The following MAP3K6 variants were observed in gnomAD, a reference collection of about 807,000 sequenced individuals.
The protein encoded by MAP3K6 is apoptosis signal-regulating kinase 2.
In MAP3K6, 105 loss-of-function variants were observed where a neutral mutation model predicts 147.1. The observed-to-expected ratio is 0.71, with a 90% CI of 0.61 to 0.84. The LOEUF (loss-of-function observed/expected upper bound fraction) is 0.84, where lower values mean the gene tolerates loss of function less well. Ranked by LOEUF, MAP3K6 falls within the 40% of genes least tolerant of loss-of-function variation. The pLI is 0.00. For missense variants in MAP3K6, 1,569 were observed against 1,715.0 expected (o/e 0.91, Z 1.50); for synonymous variants, 695 against 732.4 (o/e 0.95, Z 0.82).
Position 27,366,670 on chromosome 1 carries a change from A to G in MAP3K6, c.-73T>C. 4.9e-6 allele frequency: 5 copies of G among 1,016,554 alleles called. No individual in the cohort carries two copies. In the East Asian group the frequency reaches 2.4e-4, roughly 49 times the overall value. 63.0% of individuals were successfully genotyped at this position (1,016,554 alleles called of 1,614,324 possible). ...GGGCAGGAGCCTGGGCCGGCAGATC[A>G]GGAATCTTGGGATCTGGAATCCGTT... On this transcript the variant is annotated 5_prime_UTR_variant, in exon 1 of 29. Transcript: ENST00000357582. The surrounding 1 kb of genome is among the most constrained non-coding windows in gnomAD (Gnocchi z 5.5).
At position 27,357,890 on chromosome 1, in the gene MAP3K6, C is replaced by A; in HGVS notation, c.2916-14G>T. ...TCCTCGGGCACCCTGGGCACAAGGGCGAGCTGCTGATTGAGGACGGGCAGC... is the reference window on the plus strand; with the variant it reads ...TCCTCGGGCACCCTGGGCACAAGGGAGAGCTGCTGATTGAGGACGGGCAGC... On this transcript the variant is annotated splice_polypyrimidine_tract_variant and intron_variant, in intron 21 of 28. Transcript: ENST00000357582. 6.4e-7 allele frequency: 1 copy of A among 1,572,204 alleles called. No homozygotes were observed. Among genetic ancestry groups the A allele is most frequent in the East Asian group, 2.3e-5 (1 of 43,474 alleles).
rs772617715 is a variant in MAP3K6, at chr1:27,360,778, C to T, written c.1981G>A (p.Val661Met). 4 of 1,612,726 alleles carry T rather than the reference C, an allele frequency of 2.5e-6. No homozygotes were observed. The highest frequency in any genetic ancestry group is 3.4e-6 in the Non-Finnish European group (4 of 1,179,854). The change falls in exon 15 of 29, where the codon GTG (valine) becomes ATG (methionine). Residue 661 changes from valine to methionine, a missense_variant. Transcript: ENST00000357582. The surrounding 1 kb of genome is among the most constrained non-coding windows in gnomAD (Gnocchi z 4.5). ...TGGCGATCGCGGCCCGCGTACACCA[C>T]CCCATACGTGCCCTTGCCCAGCACC... Reference protein sequence around the residue: ...RLVLGKGTYGVVYAGRDRHTR... With the variant: ...RLVLGKGTYGMVYAGRDRHTR...
chr1:27,358,345 TG>T lies in MAP3K6; in HGVS notation c.2777-27del. The T allele has an allele frequency of 6.3e-7, 1 of 1,597,230 alleles. No homozygotes were observed. The highest frequency in any genetic ancestry group is 8.5e-7 in the Non-Finnish European group (1 of 1,175,546). Reference sequence around the variant, plus strand: ...CTGAGGGAGGGACAGAGCCATCAGCTGGGCTCTCCTCCACCCTCACAGCTCC... The same window carrying T: ...CTGAGGGAGGGACAGAGCCATCAGCTGGCTCTCCTCCACCCTCACAGCTCC... On this transcript the variant is annotated intron_variant, in intron 20 of 28. Transcript: ENST00000357582. The surrounding 1 kb of genome is among the most constrained non-coding windows in gnomAD (Gnocchi z 6.2).
Position 27,359,424 on chromosome 1 carries a change from G to A in MAP3K6, c.2418C>T (p.Thr806=), listed in dbSNP as rs771074591. 3.1e-6 allele frequency: 5 copies of A among 1,614,094 alleles called. No individual in the cohort carries two copies. The highest frequency in any genetic ancestry group is 1.7e-5 in the Admixed American group (1 of 60,014). Reference sequence around the variant, plus strand: ...ACCCCCACACCTTGTTACCTGTGAAGGTCTCAGTGCAAGGTGTGATGCCTG... The same window carrying A: ...ACCCCCACACCTTGTTACCTGTGAAAGTCTCAGTGCAAGGTGTGATGCCTG... ...RLAGITPCTE[T]FTGTLQYMAP... is the part of the protein sequence containing the mutation. Residue 806 remains threonine (T), a synonymous_variant, in exon 18 of 29, where the codon ACC becomes ACT. Coordinates refer to ENST00000357582, the MANE Select transcript of MAP3K6 (RefSeq NM_004672.5). This position sits in a 1 kb window ranked among gnomAD's most constrained non-coding sequence, Gnocchi z 4.4.
chr1:27,359,456 G>T lies in MAP3K6; in HGVS notation c.2386C>A (p.Arg796=). 4 of 1,614,104 alleles carry T rather than the reference G, an allele frequency of 2.5e-6. No homozygotes were observed. Among genetic ancestry groups the T allele is most frequent in the Non-Finnish European group, 2.5e-6 (3 of 1,180,012 alleles). Residue 796 remains arginine (R), a synonymous_variant, in exon 18 of 29, where the codon CGG becomes AGG. Transcript: ENST00000357582. The surrounding 1 kb of genome is among the most constrained non-coding windows in gnomAD (Gnocchi z 4.4). ...LKISDFGTSK[R]LAGITPCTET... The stretch of plus-strand genomic sequence containing the variant: ...GTGCAAGGTGTGATGCCTGCCAGCC[G>T]CTTGGAGGTGCCGAAGTCAGAAATC...
Position 27,361,393 on chromosome 1 carries a change from G to A in MAP3K6, c.1689C>T (p.Asp563=), listed in dbSNP as rs2015764221. The A allele has an allele frequency of 6.2e-7, 1 of 1,613,800 alleles. No homozygotes were observed. The highest frequency in any genetic ancestry group is 8.5e-7 in the Non-Finnish European group (1 of 1,179,956). ...CTGGGAAGGTCCAGCTGGAGGGAAT[G>A]TCCTGCAAGAAGAAATGGGGTGTGA... ...TLSLLEPETQ[D]IPSSWTFPVA... The change falls in exon 12 of 29, where the codon GAC becomes GAT. Residue 563 remains aspartate, a splice_region_variant and synonymous_variant. Coordinates refer to ENST00000357582, the MANE Select transcript of MAP3K6 (RefSeq NM_004672.5).
At position 27,360,804 on chromosome 1, in the gene MAP3K6, A is replaced by T; in HGVS notation, c.1955T>A (p.Leu652Gln). Residue 652 changes from leucine to glutamine, a missense_variant, in exon 15 of 29, where the codon CTG becomes CAG. By Grantham distance (113) the Leu-to-Gln change is moderately radical. Transcript: ENST00000357582. This position sits in a 1 kb window ranked among gnomAD's most constrained non-coding sequence, Gnocchi z 4.5. ...DYEYTETGER[L>Q]VLGKGTYGVV... ...CCCATACGTGCCCTTGCCCAGCACCAGCCGCTCGCCCGTCTCCGTGTACTC... is the reference window on the plus strand; with the variant it reads ...CCCATACGTGCCCTTGCCCAGCACCTGCCGCTCGCCCGTCTCCGTGTACTC... The T allele has an allele frequency of 1.2e-6, 2 of 1,612,876 alleles. No individual in the cohort carries two copies. The highest frequency in any genetic ancestry group is 1.7e-6 in the Non-Finnish European group (2 of 1,179,866).
Position 27,355,741 on chromosome 1 carries a change from A to C in MAP3K6, c.3716T>G (p.Leu1239Trp). 1 of 1,613,980 alleles carries C rather than the reference A, an allele frequency of 6.2e-7. No homozygotes were observed. Among genetic ancestry groups the C allele is most frequent in the Non-Finnish European group, 8.5e-7 (1 of 1,179,970 alleles). ...NVDSGTIQML[L>W]NHSFTLHTLL... The stretch of plus-strand genomic sequence containing the variant: ...AGTGTGGAGGGTGAAGCTATGGTTC[A>C]ACAGCTGGATGTGGTCAAAGACCCG... Residue 1239 changes from leucine to tryptophan, a missense_variant, in exon 28 of 29, where the codon TTG (leucine) becomes TGG (tryptophan). Physicochemically the swap from Leu to Trp is moderately conservative, Grantham distance 61. Coordinates refer to ENST00000357582, the MANE Select transcript of MAP3K6 (RefSeq NM_004672.5).
chr1:27,366,325 C>T lies in MAP3K6; in HGVS notation c.273G>A (p.Leu91=). ...QVPRPRPPPQ[L]RSLPFGTLEL... is the part of the protein sequence containing the mutation. ...CCAGCGTCCCGAAGGGCAGGCTGCG[C>T]AGCTGCGGGGGCGGCCGCGGCCGGG... Residue 91 remains leucine, a synonymous_variant, in exon 1 of 29, where the codon CTG becomes CTA. Transcript: ENST00000357582. This position sits in a 1 kb window ranked among gnomAD's most constrained non-coding sequence, Gnocchi z 5.5. 1 of 1,306,364 alleles carries T rather than the reference C, an allele frequency of 7.7e-7. No individual in the cohort carries two copies. Among genetic ancestry groups the T allele is most frequent in the Non-Finnish European group, 9.7e-7 (1 of 1,028,914 alleles). 80.9% of individuals were successfully genotyped at this position (1,306,364 alleles called of 1,614,324 possible). A position where few individuals can be genotyped will look rare whatever the true frequency, so the allele number is the denominator to read the frequency against.
rs775236040 is a variant in MAP3K6 at position 27,364,015 on chromosome 1, G to A, written c.766C>T (p.Arg256Trp). 2.7e-5 allele frequency: 43 copies of A among 1,612,202 alleles called. No homozygotes were observed. The highest frequency in any genetic ancestry group is 3.3e-5 in the Admixed American group (2 of 59,970). Residue 256 changes from arginine to tryptophan, a missense_variant, in exon 5 of 29, where the codon CGG becomes TGG. Arg to Trp is a moderately radical substitution (Grantham distance 101). Coordinates refer to ENST00000357582, the MANE Select transcript of MAP3K6 (RefSeq NM_004672.5). The surrounding 1 kb of genome is among the most constrained non-coding windows in gnomAD (Gnocchi z 4.4). ...ARERFSGPQL[R>W]QELARLQRRL... ...CGCTGCAGGCGAGCCAGCTCCTGCC[G>A]CAGCTGTGGCCCACTGAACCGCTCC...
chr1:27,365,020 C>A, intron 1 of MAP3K6, 108 bp from the exon 2 acceptor site: 1 of 1,242,168 alleles, frequency 8.1e-7, no homozygotes, highest in Non-Finnish European at 1.1e-6. Context: ...CCAGTAGGGT[C>A]TGGTTCTGCT....
intron 13 of MAP3K6, 63 bp from the exon 14 acceptor site, chr1:27,361,071 T>C: frequency 6.5e-7 from 1 of 1,535,032 alleles, no homozygotes; most frequent in Non-Finnish European, 8.8e-7. Flanking sequence ...AGCCGGAGCA[T>C]CCAACGGACG....
Position 27,357,830 on chromosome 1 carries a change from T to C in MAP3K6, c.2962A>G (p.Ser988Gly). Residue 988 changes from serine (S) to glycine (G), a missense_variant, in exon 22 of 29, where the codon AGT (serine) becomes GGT (glycine). By Grantham distance (56) the Ser-to-Gly change is moderately conservative. Transcript: ENST00000357582. Reference sequence around the variant, plus strand: ...TGGTGCAGCAGGCTCAGCCCCGAACTCTCCTCCGGAGACGCAGGCTCCTCG... The same window carrying C: ...TGGTGCAGCAGGCTCAGCCCCGAACCCTCCTCCGGAGACGCAGGCTCCTCG... ...AAEEPASPEE[S>G]SGLSLLHQES... The C allele has an allele frequency of 1.9e-6, 3 of 1,601,142 alleles. No homozygotes were observed. Among genetic ancestry groups the C allele is most frequent in the Non-Finnish European group, 2.6e-6 (3 of 1,176,368 alleles).
Position 27,357,808 on chromosome 1 carries a change from TGCAGCAG to T in MAP3K6, c.2977_2983del (p.Leu993ThrfsTer72). ...CATGGCCCGACGCTTGCTCTCCTGG[TGCAGCAG>T]GCTCAGCCCCGAACTCTCCTCCGGA... On this transcript the variant is annotated frameshift_variant, in exon 22 of 29. Transcript: ENST00000357582. LOFTEE classifies it high-confidence loss of function. 6.2e-7 allele frequency: 1 copy of T among 1,606,126 alleles called. No individual in the cohort carries two copies. Among genetic ancestry groups the T allele is most frequent in the East Asian group, 2.2e-5 (1 of 44,686 alleles).
At chr1:27,356,543 T>G (rs1199616682) in intron 25 of MAP3K6, 43 bp from the exon 26 acceptor site, 6 of 1,611,110 alleles carry the variant, frequency 3.7e-6, no homozygotes, top group Non-Finnish European at 5.1e-6. Flanking sequence ...GAGTGGTGAG[T>G]GGGTTGAAGC....
chr1:27,355,965 T>TG, intron 27 of MAP3K6, 61 bp downstream of exon 27: 3 of 1,485,710 alleles, frequency 2.0e-6, no homozygotes, highest in Non-Finnish European at 2.8e-6. Context: ...AGCAGGAAGA[T>TG]GGACAGAGAT....
Position 27,361,814 on chromosome 1 carries a change from G to C in MAP3K6, c.1469C>G (p.Thr490Arg). ...TGGTGGCCCTCCAGGGGGCTCTGGCGTGGGCCTGAAGTGCTGGTAGAGCAG... is the reference window on the plus strand; with the variant it reads ...TGGTGGCCCTCCAGGGGGCTCTGGCCTGGGCCTGAAGTGCTGGTAGAGCAG... ...TFLLYQHFRP[T>R]PEPPGGPPRR... Residue 490 changes from threonine (T) to arginine (R), a missense_variant, in exon 10 of 29, where the codon ACG becomes AGG. Transcript: ENST00000357582. 6.2e-7 allele frequency: 1 copy of C among 1,605,172 alleles called. No homozygotes were observed. The highest frequency in any genetic ancestry group is 2.2e-5 in the East Asian group (1 of 44,778).
In MAP3K6 at chr1:27,358,921, G is replaced by C. The variant is rs1557558802; in HGVS notation, c.2426-55C>G. 6.6e-7 allele frequency: 1 copy of C among 1,513,446 alleles called. No individual in the cohort carries two copies. The highest frequency in any genetic ancestry group is 8.9e-7 in the Non-Finnish European group (1 of 1,128,192). The allele number at this position is 1,513,446 out of a possible 1,614,324, so 93.8% of individuals were successfully genotyped here. Reference sequence around the variant, plus strand: ...ATCTAGGCTTCATCATGGGGTTGGAGCAGGGAGGGGAATGCCGTCATCCTC... The same window carrying C: ...ATCTAGGCTTCATCATGGGGTTGGACCAGGGAGGGGAATGCCGTCATCCTC... On this transcript the variant is annotated intron_variant, in intron 18 of 28. Transcript: ENST00000357582. The surrounding 1 kb of genome is among the most constrained non-coding windows in gnomAD (Gnocchi z 6.2).
At position 27,360,836 on chromosome 1, in the gene MAP3K6, A is replaced by C. The variant is rs755749790; in HGVS notation, c.1923T>G (p.Phe641Leu). The C allele has an allele frequency of 6.3e-5, 101 of 1,612,502 alleles. No homozygotes were observed. The highest frequency in any genetic ancestry group is 8.4e-5 in the Non-Finnish European group (99 of 1,179,800). The change falls in exon 15 of 29, where the codon TTT becomes TTG. Residue 641 changes from phenylalanine to leucine, a missense_variant and splice_region_variant. Coordinates refer to ENST00000357582, the MANE Select transcript of MAP3K6 (RefSeq NM_004672.5). The surrounding 1 kb of genome is among the most constrained non-coding windows in gnomAD (Gnocchi z 4.5). ...EAEGAGEMLE[F>L]DYEYTETGER... is the part of the protein sequence containing the mutation. ...CGCCCGTCTCCGTGTACTCATAATC[A>C]AACTGCCGGGCGCGGGGTGAGATGG...
Sources: allele counts gnomAD v4.1 joint callset, GRCh38; gene constraint gnomAD v4.1.1; non-coding constraint Gnocchi (gnomAD v3.1); transcripts MANE v1.5; gene names NCBI Gene and HGNC (gene_info 2026-07-23, HGNC 2026-07-21).